The following MBD5 variants were observed in gnomAD, a reference collection of about 807,000 sequenced individuals.
The protein encoded by MBD5 is methyl-CpG binding domain protein 5, also known as methyl-CpG-binding domain protein 5.
Under a neutral mutation model 117.3 loss-of-function variants are expected in MBD5, and 13 were observed. The ratio of observed to expected loss-of-function variants is 0.11; its 90% confidence interval spans 0.07 to 0.18. The LOEUF (loss-of-function observed/expected upper bound fraction) is 0.18. Among genes scored for constraint, MBD5 ranks in the 10% least tolerant of loss-of-function variants. The pLI is 1.00. For missense variants in MBD5, 1,879 were observed against 2,093.8 expected (o/e 0.90, Z 2.00); for synonymous variants, 727 against 766.4 (o/e 0.95, Z 0.85).
intron 1 of MBD5, among the ~76,000 whole-genome samples, chr2:148,134,743 A>C (rs1446561712): frequency 6.6e-6 from 1 of 152,162 alleles, no homozygotes; most frequent in Non-Finnish European, 1.5e-5. Context: ...TGTCTCTTCT[A>C]TTTTAAGAAT....
intron 4 of MBD5, among the ~76,000 whole-genome samples, chr2:148,400,130 GAAT>G (rs1428146875): frequency 2.6e-5 from 4 of 151,950 alleles, no homozygotes; most frequent in African/African-American, 9.7e-5. Context: ...AAAGATCATT[GAAT>G]TCTTTCAATT....
rs550877110 is a variant in MBD5, at chr2:148,446,119, A to G, written c.-556-12084A>G. 2.2e-3 allele frequency among the ~76,000 whole-genome samples: 334 copies of G among 151,110 alleles called. 1 individual carries two copies. Among genetic ancestry groups the G allele is most frequent in the African/African-American group, 7.5e-3 (305 of 40,624 alleles). ...CTGATGGTAGTTTCTTTTGCTGTGC[A>G]CAAGCTCTTTAGTTTAATTAGATCC... On this transcript the variant is annotated intron_variant, in intron 4 of 13. Transcript: ENST00000642680.
At chr2:148,475,744 G>A (rs1041373293) in intron 8 of MBD5, among the ~76,000 whole-genome samples, 3 of 152,082 alleles carry the variant, frequency 2.0e-5, no homozygotes, top group Non-Finnish European at 4.4e-5. Flanking sequence ...GTTGCAAAAC[G>A]TACCCAGATT....
intron 4 of MBD5, among the ~76,000 whole-genome samples, chr2:148,452,408 G>T (rs1304094003): frequency 6.6e-6 from 1 of 152,084 alleles, no homozygotes; most frequent in East Asian, 1.9e-4. Context: ...GCTGAGGCAG[G>T]AGGATAGCTT....
chr2:148,386,482 G>A (rs2105486015), intron 4 of MBD5, among the ~76,000 whole-genome samples: 1 of 152,090 alleles, frequency 6.6e-6, no homozygotes, highest in Admixed American at 6.5e-5. Context: ...ACTTTGGGAG[G>A]CCGAGGCGGG....
intron 3 of MBD5, among the ~76,000 whole-genome samples, chr2:148,338,933 C>T (rs1477732605): frequency 1.3e-5 from 2 of 152,140 alleles, no homozygotes; most frequent in Non-Finnish European, 2.9e-5. Context: ...TTGGGCTGAC[C>T]AAACCTTGCC....
At position 148,099,895 on chromosome 2, in the gene MBD5, A is replaced by T. The variant is rs148396577; in HGVS notation, c.-925+78211A>T. 8.9e-4 allele frequency among the ~76,000 whole-genome samples: 135 copies of T among 152,336 alleles called. 3 individuals carry two copies. In the East Asian group the frequency reaches 0.024, roughly 27 times the overall value. On this transcript the variant is annotated intron_variant, in intron 1 of 13. Coordinates refer to ENST00000642680, the MANE Select transcript of MBD5 (RefSeq NM_001378120.1). ...GATCATTCATTCACATAAAAATATT[A>T]ATCCAATTGATATTTATTGATCATC...
At chr2:148,150,189 A>G (rs1215510149) in intron 1 of MBD5, among the ~76,000 whole-genome samples, 1 of 146,574 alleles carries the variant, frequency 6.8e-6, no homozygotes, top group East Asian at 2.0e-4. Context: ...ACCATTTATT[A>G]AATAGGAAAT....
chr2:148,237,706 T>G (rs955673703), intron 3 of MBD5, among the ~76,000 whole-genome samples: 2 of 152,138 alleles, frequency 1.3e-5, no homozygotes, highest in African/African-American at 4.8e-5. Flanking sequence ...GCACATGCTG[T>G]GTGTGAAAAC....
chr2:148,481,471 A>C (rs1375205538), intron 8 of MBD5, among the ~76,000 whole-genome samples: 1 of 152,166 alleles, frequency 6.6e-6, no homozygotes, highest in African/African-American at 2.4e-5. Flanking sequence ...AAAATGTTTG[A>C]GTTATTTTAG....
intron 3 of MBD5, among the ~76,000 whole-genome samples, chr2:148,245,351 G>A (rs1166351673): frequency 1.3e-5 from 2 of 152,008 alleles, no homozygotes; most frequent in Non-Finnish European, 2.9e-5. Flanking sequence ...TCAGCCTCCC[G>A]AGTAGCTGAG....
At chr2:148,130,948 T>G (rs1697030059) in intron 1 of MBD5, among the ~76,000 whole-genome samples, 1 of 152,166 alleles carries the variant, frequency 6.6e-6, no homozygotes, top group East Asian at 1.9e-4. Context: ...TAAGTGAAGC[T>G]TCACTTAACT....
chr2:148,339,716 C>T (rs56212859), intron 3 of MBD5, among the ~76,000 whole-genome samples: 9 of 152,056 alleles, frequency 5.9e-5, no homozygotes, highest in Middle Eastern at 3.4e-3. Flanking sequence ...CTACAAATGA[C>T]GATCACCATT....
chr2:148,316,155 A>T (rs748791899), intron 3 of MBD5, among the ~76,000 whole-genome samples: 8 of 152,130 alleles, frequency 5.3e-5, no homozygotes, highest in Non-Finnish European at 1.2e-4. Context: ...TACCCCCATG[A>T]TCCAATCACC....
intron 3 of MBD5, among the ~76,000 whole-genome samples, chr2:148,267,473 T>G (rs1311261260): frequency 6.6e-6 from 1 of 152,146 alleles, no homozygotes; most frequent in Non-Finnish European, 1.5e-5. Flanking sequence ...ATAATGACAT[T>G]GGTAACTTTT....
chr2:148,293,147 CAAAAAAAAAAA>C (rs35179123), intron 3 of MBD5, among the ~76,000 whole-genome samples: 9 of 84,926 alleles, frequency 1.1e-4, no homozygotes, highest in Admixed American at 2.6e-4. Context: ...AACCTTGCCT[CAAAAAAAAAAA>C]AAAAAAAAAA....
In MBD5 at chr2:148,252,215, C is replaced by T. The variant is rs138967751; in HGVS notation, c.-680+18820C>T. ...CGGTGACTCACGCCTGTAATCCCAG[C>T]ACTTTGGGTGGGTGAGGTAGGCTGA... On this transcript the variant is annotated intron_variant, in intron 3 of 13. Transcript: ENST00000642680. Among the ~76,000 whole-genome samples, 339 of 152,246 alleles carry T rather than the reference C, an allele frequency of 2.2e-3. 3 individuals carry two copies. The highest frequency in any genetic ancestry group is 9.7e-3 in the Admixed American group (149 of 15,294).
At chr2:148,285,240 T>C (rs539379957) in intron 3 of MBD5, among the ~76,000 whole-genome samples, 2 of 152,344 alleles carry the variant, frequency 1.3e-5, no homozygotes, top group Admixed American at 1.3e-4. Context: ...ACAGGATAAC[T>C]GAAAGAGAGT....
rs1179878783 is a variant in MBD5, at chr2:148,324,643, G to A, written c.-679-17571G>A. ...TGATTTGGCTCTCTGTTTGTCTGTT[G>A]TTGGTGTATAAGAATGCTTGTGATT... is the stretch of plus-strand genomic sequence containing the variant. On this transcript the variant is annotated intron_variant, in intron 3 of 13. Transcript: ENST00000642680. 3.3e-5 allele frequency among the ~76,000 whole-genome samples: 5 copies of A among 151,704 alleles called. No individual in the cohort carries two copies. In the East Asian group the frequency reaches 7.8e-4, roughly 24 times the overall value.
Sources: allele counts gnomAD v4.1 joint callset (sites outside exome capture counted in the v4.1 genomes callset), GRCh38; gene constraint gnomAD v4.1.1; transcripts MANE v1.5; gene names NCBI Gene and HGNC (gene_info 2026-07-23, HGNC 2026-07-21).